Variants in SMAD5 observed in about 807,000 individuals in gnomAD.
SMAD5 encodes the protein MAD, mothers against decapentaplegic homolog 5.
SMAD5 carries 9 observed loss-of-function variants against 43.1 expected under a neutral mutation model. That is an observed-to-expected ratio of 0.21 (90% CI 0.13 to 0.36). The LOEUF is 0.36. SMAD5 is among the 10% of genes least tolerant of loss of function. SMAD5 has a pLI of 1.00. For missense variants in SMAD5, 348 were observed against 574.0 expected, an observed-to-expected ratio of 0.61 and a Z score of 4.02; for synonymous variants, 190 against 192.4, an observed-to-expected ratio of 0.99 and a Z score of 0.10.
At chr5:136,134,065 G>GT (rs1752788577) in intron 1 of SMAD5, 1 of 127,744 alleles carries the variant, frequency 7.8e-6, no homozygotes, top group Non-Finnish European at 1.7e-5. Context: ...GTTGCGGGGG[G>GT]AGGGAGCAAT....
chr5:136,170,690 T>A (rs1349262021), intron 5 of SMAD5, among the ~76,000 whole-genome samples: 1 of 152,198 alleles, frequency 6.6e-6, no homozygotes, highest in Non-Finnish European at 1.5e-5. Context: ...CTTGACGATA[T>A]TGAGTCTTAT....
rs189384687 is a variant in SMAD5, at chr5:136,140,204, G to A, written c.-245+7242G>A. ...CACCCAGCTAATTTTTGTATTTTTC[G>A]TAGAGACGGGGTTTCACCATGTTCG... On this transcript the variant is annotated intron_variant, in intron 1 of 7. Transcript: ENST00000545279. Among the ~76,000 whole-genome samples, 9 of 152,026 alleles carry A rather than the reference G, an allele frequency of 5.9e-5. No homozygotes were observed. In the East Asian group the frequency reaches 1.4e-3, roughly 23 times the overall value.
At chr5:136,152,880 T>TA (rs1248866358) in intron 2 of SMAD5, 5 of 152,126 alleles carry the variant, frequency 3.3e-5, no homozygotes, top group Non-Finnish European at 7.4e-5. Flanking sequence ...GCAAGCTCAT[T>TA]AACCAATATA....
intron 5 of SMAD5, among the ~76,000 whole-genome samples, chr5:136,170,441 G>A (rs892224938): frequency 1.3e-5 from 2 of 151,828 alleles, no homozygotes; most frequent in African/African-American, 4.8e-5. Flanking sequence ...CCTTTGATCT[G>A]TTTGTCTGTT....
At chr5:136,162,487 T>A (rs17169906) in intron 4 of SMAD5, among the ~76,000 whole-genome samples, 1 of 152,228 alleles carries the variant, frequency 6.6e-6, no homozygotes, top group Non-Finnish European at 1.5e-5. Context: ...AAGTGCCAGC[T>A]GTTTAACTTG....
At chr5:136,144,028 G>A (rs1237911680) in intron 1 of SMAD5, among the ~76,000 whole-genome samples, 1 of 151,942 alleles carries the variant, frequency 6.6e-6, no homozygotes, top group Non-Finnish European at 1.5e-5. Flanking sequence ...ACTATGAAAG[G>A]CCAAGATAAT....
chr5:136,146,434 A>T (rs1433514124), intron 1 of SMAD5, among the ~76,000 whole-genome samples: 1 of 151,788 alleles, frequency 6.6e-6, no homozygotes, highest in Non-Finnish European at 1.5e-5. Context: ...CAGTGTTTCT[A>T]AATTCGTTTT....
chr5:136,150,349 A>G (rs1192412510), intron 2 of SMAD5, among the ~76,000 whole-genome samples: 1 of 151,890 alleles, frequency 6.6e-6, no homozygotes, highest in East Asian at 1.9e-4. Context: ...ACGTGGGTTT[A>G]AAATTTGAAA....
intron 1 of SMAD5, among the ~76,000 whole-genome samples, chr5:136,137,040 C>G (rs1554101124): frequency 1.5e-5 from 2 of 129,354 alleles, no homozygotes; most frequent in East Asian, 4.4e-4. Context: ...TTTTTTTTGC[C>G]TTGGGCAGCT....
At chr5:136,159,336 T>G (rs147719560) in intron 3 of SMAD5, among the ~76,000 whole-genome samples, 50 of 152,274 alleles carry the variant, frequency 3.3e-4, no homozygotes, top group East Asian at 3.3e-3. Context: ...TTATAAGAGA[T>G]GGCTAAGAGT....
chr5:136,141,848 TAGAG>T (rs1430050239), intron 1 of SMAD5, among the ~76,000 whole-genome samples: 1 of 152,222 alleles, frequency 6.6e-6, no homozygotes, highest in Non-Finnish European at 1.5e-5. Context: ...CCAAGTATAT[TAGAG>T]AGAATTGTTT....
rs529374984 is a variant in SMAD5, at chr5:136,151,957, T to G, written c.-169-1635T>G. ...CCCTTCTTACAGTTCATTTAGTACA[T>G]AACACTTTATACTCTGTGACCTGTT... On this transcript the variant is annotated intron_variant, in intron 2 of 7. Coordinates refer to ENST00000545279, the MANE Select transcript of SMAD5 (RefSeq NM_005903.7). 5.9e-5 allele frequency among the ~76,000 whole-genome samples: 9 copies of G among 152,252 alleles called. No homozygotes were observed. The East Asian group carries it at 1.5e-3, about 26-fold the overall frequency.
chr5:136,182,481 G>A lies in SMAD5; in HGVS notation c.*5001G>A, dbSNP rs1754665882. The stretch of plus-strand genomic sequence containing the variant: ...CTACCTGCCCACATTTTCTTAAAAA[G>A]ATATTTCATATACAGATAATGAAGA... On this transcript the variant is annotated 3_prime_UTR_variant, in exon 8 of 8. Coordinates refer to ENST00000545279, the MANE Select transcript of SMAD5 (RefSeq NM_005903.7). The A allele has an allele frequency of 6.6e-6, 1 of 152,544 alleles. No homozygotes were observed. Among genetic ancestry groups the A allele is most frequent in the South Asian group, 2.1e-4 (1 of 4,822 alleles). 9.4% of individuals were successfully genotyped at this position (152,544 alleles called of 1,614,324 possible). A position where few individuals can be genotyped will look rare whatever the true frequency, so the allele number is the denominator to read the frequency against.
At position 136,148,352 on chromosome 5, in the gene SMAD5, C is replaced by T. The variant is rs538949218; in HGVS notation, c.-170+446C>T. On this transcript the variant is annotated intron_variant, in intron 2 of 7. Transcript: ENST00000545279. ...AGTCAAGTTACTCTTACCCTCCTCC[C>T]GAACAAAGAATGTCTTGCTTACTGA... Among the ~76,000 whole-genome samples, 13 of 151,600 alleles carry T rather than the reference C, an allele frequency of 8.6e-5. No homozygotes were observed. The South Asian group carries it at 1.2e-3, about 15-fold the overall frequency.
At chr5:136,177,233 C>A in intron 7 of SMAD5, 104 bp from the exon 8 acceptor site, 1 of 924,732 alleles carries the variant, frequency 1.1e-6, no homozygotes, top group Non-Finnish European at 1.7e-6. Context: ...GTAACTTCTA[C>A]ATATCTCTAC....
At chr5:136,145,659 A>T (rs948363221) in intron 1 of SMAD5, among the ~76,000 whole-genome samples, 9 of 152,004 alleles carry the variant, frequency 5.9e-5, no homozygotes, top group African/African-American at 1.9e-4. Flanking sequence ...AATGTTCATG[A>T]TTATTACAAC....
At chr5:136,134,777 C>T (rs1018162728) in intron 1 of SMAD5, 1 of 152,150 alleles carries the variant, frequency 6.6e-6, no homozygotes, top group African/African-American at 2.4e-5. Flanking sequence ...CTTTCCTTCC[C>T]TTTCCACATT....
At position 136,163,385 on chromosome 5, in the gene SMAD5, A is replaced by C; in HGVS notation, c.769A>C (p.Ser257Arg). The change falls in exon 5 of 8, where the codon AGC (serine) becomes CGC (arginine). Residue 257 changes from serine to arginine, a missense_variant. Physicochemically the swap from Ser to Arg is moderately radical, Grantham distance 110. This residue lies in a region of SMAD5 where 185 missense variants were observed against 207.0 expected (regional missense o/e 0.89). Transcript: ENST00000545279. ...TCCTCAGATTATGCCCAGTATATCC[A>C]GCAGGGGTAAGAGAAGTACTCACTT... ...MIPQIMPSIS[S>R]RDVQPVAYEE... 2 of 1,604,778 alleles carry C rather than the reference A, an allele frequency of 1.2e-6. No homozygotes were observed. Among genetic ancestry groups the C allele is most frequent in the Non-Finnish European group, 1.7e-6 (2 of 1,175,406 alleles).
chr5:136,166,070 A>G (rs1321111333), intron 5 of SMAD5, among the ~76,000 whole-genome samples: 2 of 151,912 alleles, frequency 1.3e-5, no homozygotes, highest in East Asian at 3.9e-4. Flanking sequence ...TATTCTTCAC[A>G]TCCTCACCAG....
Sources: gnomAD v4.1 joint callset for allele counts (sites outside exome capture counted in the v4.1 genomes callset) on GRCh38, gnomAD v4.1.1 for gene constraint, gnomAD v4.1.1 regional missense constraint, MANE v1.5 for transcripts, NCBI Gene and HGNC (gene_info 2026-07-23, HGNC 2026-07-21) for gene names.